MLLT3: variants seen among roughly 807,000 people sequenced by gnomAD.
MLLT3 encodes protein AF-9.
A neutral mutation model predicts 53.2 loss-of-function variants in MLLT3; 4 were observed. The ratio of observed to expected loss-of-function variants is 0.08; its 90% CI spans 0.04 to 0.17. The LOEUF (loss-of-function observed/expected upper bound fraction) is 0.17, where lower values mean the gene tolerates loss of function less well. Among genes scored for constraint, MLLT3 ranks in the 10% least tolerant of loss-of-function variants. The probability of loss-of-function intolerance (pLI) is 1.00; values close to 1 mark genes in which losing one functional copy is unlikely to be tolerated. For missense variants in MLLT3, 569 were observed against 684.0 expected (o/e 0.83, Z 1.87); for synonymous variants, 283 against 230.6 (o/e 1.23, Z -2.06).
chr9:20,398,506 G>C lies in MLLT3; in HGVS notation c.1125+15215C>G, dbSNP rs898876970. Reference sequence around the variant, plus strand: ...TATGCAACCTGAGGACACAGAAATTGGGGGAGTGGGGGAAGCAAGTCCCTT... The same window carrying C: ...TATGCAACCTGAGGACACAGAAATTCGGGGAGTGGGGGAAGCAAGTCCCTT... On this transcript the variant is annotated intron_variant, in intron 5 of 10. Coordinates refer to ENST00000380338, the MANE Select transcript of MLLT3 (RefSeq NM_004529.4). Among the ~76,000 whole-genome samples, 4 of 152,122 alleles carry C rather than the reference G, an allele frequency of 2.6e-5. No individual in the cohort carries two copies. The East Asian group carries it at 7.7e-4, about 29-fold the overall frequency.
chr9:20,353,397 C>T, intron 10 of MLLT3, 128 bp downstream of exon 10: 1 of 772,332 alleles, frequency 1.3e-6, no homozygotes, highest in South Asian at 1.6e-5. Context: ...CCAAATACAT[C>T]TACAGGTGGC....
At chr9:20,408,612 T>C (rs1029941584) in intron 5 of MLLT3, among the ~76,000 whole-genome samples, 5 of 152,196 alleles carry the variant, frequency 3.3e-5, no homozygotes, top group African/African-American at 4.8e-5. Flanking sequence ...AGCCCTTTAA[T>C]GAATGGCCTC....
At chr9:20,445,196 C>T (rs1823663793) in intron 4 of MLLT3, among the ~76,000 whole-genome samples, 1 of 152,060 alleles carries the variant, frequency 6.6e-6, no homozygotes, top group South Asian at 2.1e-4. Context: ...TTTCACGGTC[C>T]TATAAAGTAA....
chr9:20,540,256 C>A (rs1255664304), intron 2 of MLLT3, among the ~76,000 whole-genome samples: 1 of 152,178 alleles, frequency 6.6e-6, no homozygotes, highest in African/African-American at 2.4e-5. Flanking sequence ...AGGACGATGG[C>A]CCTCTTCTCA....
At chr9:20,592,830 A>G (rs1251548620) in intron 2 of MLLT3, among the ~76,000 whole-genome samples, 1 of 152,194 alleles carries the variant, frequency 6.6e-6, no homozygotes, top group Non-Finnish European at 1.5e-5. Flanking sequence ...CCAACATTCC[A>G]AGATCAAGAA....
At chr9:20,559,714 T>C (rs1268331408) in intron 2 of MLLT3, among the ~76,000 whole-genome samples, 2 of 152,180 alleles carry the variant, frequency 1.3e-5, no homozygotes, top group Non-Finnish European at 2.9e-5. Flanking sequence ...TAAATTACTC[T>C]GTGCTGTCAA....
intron 2 of MLLT3, among the ~76,000 whole-genome samples, chr9:20,586,830 A>G (rs1056436777): frequency 2.0e-5 from 3 of 152,344 alleles, no homozygotes; most frequent in Non-Finnish European, 1.5e-5. Flanking sequence ...GGGAGGAGAA[A>G]AAAGAGCAAA....
intron 2 of MLLT3, among the ~76,000 whole-genome samples, chr9:20,507,710 C>G (rs1386980837): frequency 2.4e-5 from 3 of 127,176 alleles, no homozygotes. Context: ...ATTAACCAAT[C>G]ACAAAATGTC....
intron 2 of MLLT3, among the ~76,000 whole-genome samples, chr9:20,558,870 C>T (rs902146209): frequency 2.0e-5 from 3 of 152,192 alleles, no homozygotes; most frequent in African/African-American, 4.8e-5. Flanking sequence ...CAAACTGTTT[C>T]GGATTTGAAA....
chr9:20,620,565 G>C lies in MLLT3; in HGVS notation c.193+89C>G, dbSNP rs1382123745. 8.3e-7 allele frequency: 1 copy of C among 1,199,342 alleles called. No homozygotes were observed. The highest frequency in any genetic ancestry group is 1.1e-6 in the Non-Finnish European group (1 of 903,456). The allele number at this position is 1,199,342 out of a possible 1,614,324, so 74.3% of individuals were successfully genotyped here. A position where few individuals can be genotyped will look rare whatever the true frequency, so the allele number is the denominator to read the frequency against. ...GCTACGCCGGCGAGCGCGGCGCGGG[G>C]GGCGGGGAGCGGGACAGCGGGACCG... On this transcript the variant is annotated intron_variant, in intron 2 of 10. Coordinates refer to ENST00000380338, the MANE Select transcript of MLLT3 (RefSeq NM_004529.4). The surrounding 1 kb of genome is among the most constrained non-coding windows in gnomAD (Gnocchi z 6.1).
chr9:20,379,407 C>T (rs1360817797), intron 5 of MLLT3, among the ~76,000 whole-genome samples: 1 of 152,006 alleles, frequency 6.6e-6, no homozygotes, highest in Admixed American at 6.6e-5. Flanking sequence ...GCCCCCAAAT[C>T]ATCATCATAG....
chr9:20,544,985 T>C (rs1360023037), intron 2 of MLLT3, among the ~76,000 whole-genome samples: 2 of 150,210 alleles, frequency 1.3e-5, no homozygotes, highest in African/African-American at 4.9e-5. Context: ...GGCTAGGCTA[T>C]AGCTGAGGCT....
At chr9:20,570,117 G>T (rs1317781728) in intron 2 of MLLT3, among the ~76,000 whole-genome samples, 1 of 152,122 alleles carries the variant, frequency 6.6e-6, no homozygotes, top group Non-Finnish European at 1.5e-5. Context: ...GGCTTTGTTT[G>T]GCATTTGATT....
chr9:20,407,632 C>T (rs532111542), intron 5 of MLLT3, among the ~76,000 whole-genome samples: 1 of 152,264 alleles, frequency 6.6e-6, no homozygotes, highest in South Asian at 2.1e-4. Context: ...TTTGTTTTAC[C>T]ACCAACCTCC....
At chr9:20,525,095 T>C (rs1269611081) in intron 2 of MLLT3, among the ~76,000 whole-genome samples, 1 of 118,382 alleles carries the variant, frequency 8.4e-6, no homozygotes, top group Non-Finnish European at 1.7e-5. Context: ...GGAGAGGATA[T>C]GAACAAGAAA....
At chr9:20,364,703 C>T (rs566872986) in intron 6 of MLLT3, among the ~76,000 whole-genome samples, 1 of 152,248 alleles carries the variant, frequency 6.6e-6, no homozygotes, top group Non-Finnish European at 1.5e-5. Flanking sequence ...GGAAGCTTAG[C>T]CTTAGTCCAA....
At chr9:20,618,326 T>G (rs1385879563) in intron 2 of MLLT3, among the ~76,000 whole-genome samples, 1 of 152,220 alleles carries the variant, frequency 6.6e-6, no homozygotes, top group Non-Finnish European at 1.5e-5. Context: ...CTTATCATTT[T>G]GAAAGACTTT....
intron 5 of MLLT3, among the ~76,000 whole-genome samples, chr9:20,401,859 A>G (rs1171532106): frequency 6.6e-6 from 1 of 152,236 alleles, no homozygotes; most frequent in Non-Finnish European, 1.5e-5. Flanking sequence ...TATTGAATAG[A>G]TAACTAGCAG....
At chr9:20,536,828 G>A (rs561542389) in intron 2 of MLLT3, among the ~76,000 whole-genome samples, 2 of 151,184 alleles carry the variant, frequency 1.3e-5, no homozygotes, top group South Asian at 4.2e-4. Flanking sequence ...GACGACTCCT[G>A]CAGGTAGTAG....
Sources: gnomAD v4.1 joint callset for allele counts (sites outside exome capture counted in the v4.1 genomes callset) on GRCh38, gnomAD v4.1.1 for gene constraint, Gnocchi (gnomAD v3.1) non-coding constraint, MANE v1.5 for transcripts, NCBI Gene and HGNC (gene_info 2026-07-23, HGNC 2026-07-21) for gene names.